The following CNTNAP3B variants were observed in gnomAD, a reference collection of about 807,000 sequenced individuals.
CNTNAP3B encodes the protein contactin associated protein family member 3B, also known as contactin-associated protein-like 3B.
CNTNAP3B carries 25 observed loss-of-function variants against 108.9 expected under a neutral mutation model. That is an observed-to-expected ratio of 0.23 (90% CI 0.17 to 0.32). CNTNAP3B has a LOEUF of 0.32. CNTNAP3B is among the 10% of genes least tolerant of loss of function. The probability of loss-of-function intolerance (pLI) is 1.00; values close to 1 mark genes in which losing one functional copy is unlikely to be tolerated. For synonymous variants in CNTNAP3B, 103 were observed against 473.4 expected (o/e 0.22, Z 10.16); for missense variants, 252 against 1,210.4 (o/e 0.21, Z 11.75).
At chr9:41,956,499 G>A (rs1400966246) in intron 12 of CNTNAP3B, among the ~76,000 whole-genome samples, 1 of 152,224 alleles carries the variant, frequency 6.6e-6, no homozygotes, top group Non-Finnish European at 1.5e-5. Context: ...AACGGGGATT[G>A]TCTGCACTTA....
At chr9:41,937,531 C>A (rs1294546607) in intron 14 of CNTNAP3B, among the ~76,000 whole-genome samples, 3 of 149,580 alleles carry the variant, frequency 2.0e-5, no homozygotes, top group African/African-American at 7.4e-5. Context: ...TTACATATTA[C>A]AAATAAAAAA....
At chr9:41,934,573 C>G (rs1217990458) in intron 14 of CNTNAP3B, among the ~76,000 whole-genome samples, 1 of 152,278 alleles carries the variant, frequency 6.6e-6, no homozygotes, top group Admixed American at 6.5e-5. Context: ...GTAGTGAGAT[C>G]TTTCTAGTGA....
intron 3 of CNTNAP3B, among the ~76,000 whole-genome samples, chr9:42,057,480 C>T (rs1213766344): frequency 4.0e-5 from 5 of 124,356 alleles, no homozygotes; most frequent in Non-Finnish European, 6.7e-5. Context: ...GCTGGAATTA[C>T]AGGCCTGAGC....
rs1401212619 is a variant in CNTNAP3B at position 41,977,212 on chromosome 9, T to C, written c.1478-6967A>G. Among the ~76,000 whole-genome samples, 21 of 151,088 alleles carry C rather than the reference T, an allele frequency of 1.4e-4. No individual in the cohort carries two copies. In the South Asian group the frequency reaches 4.0e-3, roughly 29 times the overall value. On this transcript the variant is annotated intron_variant, in intron 9 of 23. Transcript: ENST00000377561. ...TATGGAAATGGGCTCTTGAATAATC[T>C]CACCTGTAGAATTTAAACCCTAAAG...
intron 2 of CNTNAP3B, among the ~76,000 whole-genome samples, chr9:42,082,767 T>A (rs911620997): frequency 1.5e-5 from 2 of 136,964 alleles, no homozygotes; most frequent in South Asian, 4.7e-4. Context: ...GCATCTACAC[T>A]CCCTAGCAGC....
rs1339150689 is a variant in CNTNAP3B at position 42,112,867 on chromosome 9, A to G, written c.86-8128T>C. Among the ~76,000 whole-genome samples, 5 of 87,804 alleles carry G rather than the reference A, an allele frequency of 5.7e-5. 1 individual carries two copies. Among genetic ancestry groups the G allele is most frequent in the Admixed American group, 2.3e-4 (2 of 8,526 alleles). 57.6% of individuals were successfully genotyped at this position (87,804 alleles called of 152,430 possible). A position where few individuals can be genotyped will look rare whatever the true frequency, so the allele number is the denominator to read the frequency against. ...TGAAGACCTAGAGGAAAGTTTACAG[A>G]GTTTTTTTTTTTTTTTTTTTGAGAC... On this transcript the variant is annotated intron_variant, in intron 1 of 23. Coordinates refer to ENST00000377561, the MANE Select transcript of CNTNAP3B (RefSeq NM_001201380.3).
intron 18 of CNTNAP3B, among the ~76,000 whole-genome samples, chr9:41,917,159 G>T (rs974409355): frequency 6.8e-6 from 1 of 147,662 alleles, no homozygotes; most frequent in Non-Finnish European, 1.5e-5. Context: ...TTTCAATTAC[G>T]TATATGTTGG....
At chr9:41,937,198 G>A (rs1824185385) in intron 14 of CNTNAP3B, among the ~76,000 whole-genome samples, 3 of 149,166 alleles carry the variant, frequency 2.0e-5, no homozygotes, top group African/African-American at 7.5e-5. Flanking sequence ...CGCGATCTCA[G>A]CTCACTGCAA....
At chr9:42,054,609 G>A (rs1206939592) in intron 3 of CNTNAP3B, among the ~76,000 whole-genome samples, 1,585 of 151,378 alleles carry the variant, frequency 0.01, 1 homozygote, top group African/African-American at 0.037. Context: ...ACCACATCAC[G>A]TGATGGTCAA....
At chr9:41,951,695 T>C (rs1291840254) in intron 13 of CNTNAP3B, among the ~76,000 whole-genome samples, 1 of 151,792 alleles carries the variant, frequency 6.6e-6, no homozygotes, top group Non-Finnish European at 1.5e-5. Context: ...TAGACCAAAT[T>C]GGCTGGCAGG....
intron 9 of CNTNAP3B, among the ~76,000 whole-genome samples, chr9:41,977,502 T>C (rs796992151): frequency 0.016 from 1,981 of 124,882 alleles, 3 homozygotes; most frequent in Middle Eastern, 0.045. Flanking sequence ...ACTTTGCAGA[T>C]TGACATTGTC....
At chr9:41,931,678 T>C (rs1174719390) in intron 14 of CNTNAP3B, among the ~76,000 whole-genome samples, 1 of 150,538 alleles carries the variant, frequency 6.6e-6, no homozygotes, top group Non-Finnish European at 1.5e-5. Context: ...ACCATTCAGC[T>C]TTAGAGTGGA....
intron 10 of CNTNAP3B, among the ~76,000 whole-genome samples, chr9:41,966,706 G>T (rs143316392): frequency 3.9e-5 from 6 of 152,370 alleles, no homozygotes; most frequent in African/African-American, 1.4e-4. Flanking sequence ...GGTGGCTCAC[G>T]CCTGTAATCC....
chr9:41,963,293 C>A (rs1378943340), intron 11 of CNTNAP3B, among the ~76,000 whole-genome samples: 1 of 152,092 alleles, frequency 6.6e-6, no homozygotes, highest in African/African-American at 2.4e-5. Context: ...CCTTGAAGAC[C>A]CAGGGATGGG....
rs374979410 is a variant in CNTNAP3B at position 42,032,870 on chromosome 9, GCT to G, written c.391-19347_391-19346del. Among the ~76,000 whole-genome samples, 648 of 127,700 alleles carry G rather than the reference GCT, an allele frequency of 5.1e-3. 2 individuals are homozygous for G. The highest frequency in any genetic ancestry group is 7.2e-3 in the Non-Finnish European group (430 of 60,080). 83.8% of individuals were successfully genotyped at this position (127,700 alleles called of 152,430 possible). A position where few individuals can be genotyped will look rare whatever the true frequency, so the allele number is the denominator to read the frequency against. Reference sequence around the variant, plus strand: ...TCTCACTGTGTCCTCACATGGCAGTGCTCTCTCTCTCTCTCTCCCCCTCTCTT... The same window carrying G: ...TCTCACTGTGTCCTCACATGGCAGTGCTCTCTCTCTCTCTCCCCCTCTCTT... On this transcript the variant is annotated intron_variant, in intron 3 of 23. Transcript: ENST00000377561.
chr9:41,935,986 G>A (rs1824144943), intron 14 of CNTNAP3B, among the ~76,000 whole-genome samples: 2 of 152,360 alleles, frequency 1.3e-5, no homozygotes, highest in South Asian at 2.1e-4. Flanking sequence ...GGCTCCAAGT[G>A]ATACGTTCCT....
intron 14 of CNTNAP3B, 41 bp downstream of exon 14, chr9:41,938,202 TA>T: frequency 9.8e-7 from 1 of 1,025,536 alleles, no homozygotes; most frequent in Non-Finnish European, 1.4e-6. Flanking sequence ...AATTAAAGAA[TA>T]AAAACCACAT....
At position 42,115,475 on chromosome 9, in the gene CNTNAP3B, C is replaced by A. The variant is rs1828294432; in HGVS notation, c.86-10736G>T. On this transcript the variant is annotated intron_variant, in intron 1 of 23. Transcript: ENST00000377561. ...GGAGACAACTCCCAGTAGGGGCTGA[C>A]TGACACCGCATACAGCCAGGTGCCC... 4.3e-5 allele frequency among the ~76,000 whole-genome samples: 6 copies of A among 139,738 alleles called. 1 individual carries two copies. In the South Asian group the frequency reaches 1.4e-3, roughly 32 times the overall value. 91.7% of individuals were successfully genotyped at this position (139,738 alleles called of 152,430 possible). A position where few individuals can be genotyped will look rare whatever the true frequency, so the allele number is the denominator to read the frequency against.
chr9:42,066,960 C>A (rs1827279579), intron 3 of CNTNAP3B, among the ~76,000 whole-genome samples: 1 of 150,258 alleles, frequency 6.7e-6, no homozygotes, highest in African/African-American at 2.5e-5. Flanking sequence ...CTCTCTGAGA[C>A]CAAATTATAA....
Sources: gnomAD v4.1 joint callset for allele counts (sites outside exome capture counted in the v4.1 genomes callset) on GRCh38, gnomAD v4.1.1 for gene constraint, MANE v1.5 for transcripts, NCBI Gene and HGNC (gene_info 2026-07-23, HGNC 2026-07-21) for gene names.